The following CNTN4 variants were observed in gnomAD, a reference collection of about 807,000 sequenced individuals.
The protein encoded by CNTN4 is contactin-4.
Under a neutral mutation model 122.5 loss-of-function variants are expected in CNTN4, and 77 were observed. The ratio of observed to expected loss-of-function variants is 0.63; its 90% CI spans 0.52 to 0.76. The LOEUF (loss-of-function observed/expected upper bound fraction) is 0.76. Ranked by LOEUF, CNTN4 falls within the 30% of genes least tolerant of loss-of-function variation. The pLI is 0.00. For missense variants in CNTN4, 1,256 were observed against 1,259.1 expected, an observed-to-expected ratio of 1.00 and a Z score of 0.04; for synonymous variants, 512 against 447.0, an observed-to-expected ratio of 1.15 and a Z score of -1.83.
At chr3:2,253,809 G>T (rs547266937) in intron 2 of CNTN4, among the ~76,000 whole-genome samples, 2 of 151,920 alleles carry the variant, frequency 1.3e-5, no homozygotes, top group South Asian at 4.1e-4. Context: ...ACCTGGTCAA[G>T]ATTTCTTATT....
chr3:2,790,498 C>T (rs1262804632), intron 6 of CNTN4, among the ~76,000 whole-genome samples: 4 of 152,188 alleles, frequency 2.6e-5, no homozygotes, highest in Admixed American at 1.3e-4. Context: ...AAGTAAGGGC[C>T]TAAGTAGGCA....
At chr3:2,371,163 T>C (rs6792956) in intron 3 of CNTN4, among the ~76,000 whole-genome samples, 66,770 of 151,924 alleles carry the variant, frequency 0.44, 14,886 homozygotes, top group Middle Eastern at 0.5. Flanking sequence ...CCTTCTAACA[T>C]AGTTCATCAA....
intron 2 of CNTN4, among the ~76,000 whole-genome samples, chr3:2,115,954 T>C (rs2727904): frequency 2.0e-5 from 3 of 152,200 alleles, no homozygotes; most frequent in Non-Finnish European, 2.9e-5. Context: ...CTTGGTCTTA[T>C]TAACTTTGGG....
intron 19 of CNTN4, 44 bp from the exon 20 acceptor site, chr3:3,039,993 T>A: frequency 1.5e-6 from 2 of 1,360,374 alleles, no homozygotes; most frequent in South Asian, 2.3e-5. Flanking sequence ...TGCATTTGAG[T>A]GAAACTACTG....
At chr3:2,585,644 A>T (rs7618853) in intron 4 of CNTN4, among the ~76,000 whole-genome samples, 1,542 of 142,814 alleles carry the variant, frequency 0.011, 23 homozygotes, top group African/African-American at 0.038. Flanking sequence ...AACAATGAGA[A>T]CACATGGACA....
intron 5 of CNTN4, among the ~76,000 whole-genome samples, chr3:2,737,959 T>A (rs1397279270): frequency 6.6e-6 from 1 of 152,024 alleles, no homozygotes; most frequent in Non-Finnish European, 1.5e-5. Flanking sequence ...GCAAGATAGG[T>A]CTGAAGAAAT....
At chr3:2,179,599 TTTTA>T (rs1268685092) in intron 2 of CNTN4, among the ~76,000 whole-genome samples, 1 of 152,024 alleles carries the variant, frequency 6.6e-6, no homozygotes, top group African/African-American at 2.4e-5. Flanking sequence ...TATACTGAAC[TTTTA>T]TTTTTCTCAT....
intron 3 of CNTN4, among the ~76,000 whole-genome samples, chr3:2,448,886 T>A (rs1425886972): frequency 6.6e-6 from 1 of 152,138 alleles, no homozygotes; most frequent in Non-Finnish European, 1.5e-5. Flanking sequence ...TGAGGTACCA[T>A]ATCAATATGA....
chr3:2,113,119 G>T (rs1038485734), intron 2 of CNTN4, among the ~76,000 whole-genome samples: 4 of 152,300 alleles, frequency 2.6e-5, no homozygotes, highest in African/African-American at 9.6e-5. Context: ...TAATTACACT[G>T]ATGGATTTCA....
At chr3:2,217,833 A>G (rs2038911463) in intron 2 of CNTN4, among the ~76,000 whole-genome samples, 1 of 152,252 alleles carries the variant, frequency 6.6e-6, no homozygotes, top group Non-Finnish European at 1.5e-5. Flanking sequence ...AGATATAAAC[A>G]TACCCACGAG....
At chr3:2,951,129 C>A (rs1390476840) in intron 13 of CNTN4, among the ~76,000 whole-genome samples, 1 of 152,128 alleles carries the variant, frequency 6.6e-6, no homozygotes, top group Non-Finnish European at 1.5e-5. Context: ...TTGTTGTTAT[C>A]ATTGATAATA....
chr3:2,606,875 G>T (rs2081281166), intron 4 of CNTN4, among the ~76,000 whole-genome samples: 1 of 152,126 alleles, frequency 6.6e-6, no homozygotes, highest in African/African-American at 2.4e-5. Context: ...CTTTTCCTTT[G>T]CCTCATGGCA....
rs368158554 is a variant in CNTN4, at chr3:2,754,632, ATGT to A, written c.358+8937_358+8939del. 1.7e-4 allele frequency among the ~76,000 whole-genome samples: 26 copies of A among 152,104 alleles called. No homozygotes were observed. In the South Asian group the frequency reaches 5.4e-3, roughly 32 times the overall value. On this transcript the variant is annotated intron_variant, in intron 6 of 24. Transcript: ENST00000418658. ...ATTTTTAAAAAATGGAAAAATGGAG[ATGT>A]TAAGTGAAAGGAGTGCTTACGTACA...
intron 8 of CNTN4, among the ~76,000 whole-genome samples, chr3:2,882,367 A>G (rs1284046915): frequency 7.4e-6 from 1 of 134,610 alleles, no homozygotes; most frequent in Non-Finnish European, 1.5e-5. Context: ...CTTCGTCTCG[A>G]AAAAAAAAAA....
chr3:2,720,323 A>G (rs2087764831), intron 4 of CNTN4, among the ~76,000 whole-genome samples: 1 of 152,190 alleles, frequency 6.6e-6, no homozygotes, highest in African/African-American at 2.4e-5. Context: ...GCAGGTAGAC[A>G]TTACCTACCC....
chr3:2,615,409 A>C (rs2081676282), intron 4 of CNTN4, among the ~76,000 whole-genome samples: 1 of 152,196 alleles, frequency 6.6e-6, no homozygotes, highest in Non-Finnish European at 1.5e-5. Context: ...AAATTCCCCC[A>C]GATCATTTTC....
intron 3 of CNTN4, among the ~76,000 whole-genome samples, chr3:2,451,688 T>C (rs1198646442): frequency 6.6e-6 from 1 of 152,130 alleles, no homozygotes; most frequent in Non-Finnish European, 1.5e-5. Flanking sequence ...TTCTTTAGTG[T>C]GTATATTTCT....
At chr3:2,995,135 T>A (rs1459175936) in intron 14 of CNTN4, among the ~76,000 whole-genome samples, 4 of 152,116 alleles carry the variant, frequency 2.6e-5, no homozygotes, top group Admixed American at 6.6e-5. Flanking sequence ...AACATTTCAA[T>A]ACTAGATCCT....
intron 24 of CNTN4, 100 bp downstream of exon 24, chr3:3,054,075 A>G: frequency 8.0e-7 from 1 of 1,251,142 alleles, no homozygotes; most frequent in Non-Finnish European, 1.2e-6. Context: ...GCAAAAGCAG[A>G]CTTAAAATAG....
Sources: gnomAD v4.1 joint callset for allele counts (sites outside exome capture counted in the v4.1 genomes callset) on GRCh38, gnomAD v4.1.1 for gene constraint, MANE v1.5 for transcripts, NCBI Gene and HGNC (gene_info 2026-07-23, HGNC 2026-07-21) for gene names.